The following RYR2 variants were observed in gnomAD, a reference collection of about 807,000 sequenced individuals.
RYR2 encodes the protein ryanodine receptor 2.
In RYR2, 227 loss-of-function variants were observed where a neutral mutation model predicts 601.1. That is an observed-to-expected ratio of 0.38 (90% CI 0.34 to 0.42). The LOEUF is 0.42. RYR2 is among the 10% of genes least tolerant of loss of function. The probability of loss-of-function intolerance (pLI) is 1.00; values close to 1 mark genes in which losing one functional copy is unlikely to be tolerated. For synonymous variants in RYR2, 2,223 were observed against 2,175.1 expected (o/e 1.02, Z -0.61); for missense variants, 4,646 against 6,156.5 (o/e 0.75, Z 8.21).
intron 1 of RYR2, among the ~76,000 whole-genome samples, chr1:237,111,125 CATT>C (rs1016461739): frequency 1.3e-4 from 20 of 152,196 alleles, no homozygotes; most frequent in African/African-American, 4.8e-4. Flanking sequence ...TGTTTGGTAA[CATT>C]GTTGACACTG....
At position 237,620,291 on chromosome 1, in the gene RYR2, A is replaced by G. The variant is rs1404225120; in HGVS notation, c.5916+2805A>G. Among the ~76,000 whole-genome samples, 4 of 152,186 alleles carry G rather than the reference A, an allele frequency of 2.6e-5. No individual in the cohort carries two copies. The East Asian group carries it at 7.7e-4, about 29-fold the overall frequency. ...AATACCAGTAGACTGTATGTTAGGT[A>G]TGTATATAAAATAATACTCAGAGCA... On this transcript the variant is annotated intron_variant, in intron 38 of 104. Coordinates refer to ENST00000366574, the MANE Select transcript of RYR2 (RefSeq NM_001035.3).
intron 2 of RYR2, among the ~76,000 whole-genome samples, chr1:237,283,656 T>G (rs1035795877): frequency 6.6e-6 from 1 of 152,238 alleles, no homozygotes; most frequent in African/African-American, 2.4e-5. Flanking sequence ...ACACAGCCAC[T>G]GTCTTCCTGT....
chr1:237,158,654 T>A (rs1374543575), intron 1 of RYR2, among the ~76,000 whole-genome samples: 1 of 152,230 alleles, frequency 6.6e-6, no homozygotes, highest in Non-Finnish European at 1.5e-5. Flanking sequence ...GTCTAAAATA[T>A]TCTATTTGAT....
intron 1 of RYR2, among the ~76,000 whole-genome samples, chr1:237,179,520 T>C: frequency 6.6e-6 from 1 of 151,812 alleles, no homozygotes; most frequent in East Asian, 1.9e-4. Context: ...CTGGTATTTA[T>C]TGATGTCTAT....
Position 237,380,422 on chromosome 1 carries a change from A to ATATATT in RYR2, c.576+2987_576+2988insTATATT, listed in dbSNP as rs1214802373. Among the ~76,000 whole-genome samples the ATATATT allele has an allele frequency of 1.1e-3, 53 of 48,056 alleles. 2 individuals carry two copies. The highest frequency in any genetic ancestry group is 4.0e-3 in the African/African-American group (50 of 12,446). The allele number at this position is 48,056 out of a possible 152,430, so 31.5% of individuals were successfully genotyped here. A position where few individuals can be genotyped will look rare whatever the true frequency, so the allele number is the denominator to read the frequency against. On this transcript the variant is annotated intron_variant, in intron 8 of 104. Coordinates refer to ENST00000366574, the MANE Select transcript of RYR2 (RefSeq NM_001035.3). ...TATATATATATATATATATATATAT[A>ATATATT]GTAAATACGAAGTCTGGTGAGTATG...
intron 1 of RYR2, among the ~76,000 whole-genome samples, chr1:237,143,130 G>A (rs906471972): frequency 5.9e-5 from 9 of 152,194 alleles, no homozygotes; most frequent in Non-Finnish European, 1.2e-4. Context: ...AAAAGTACCT[G>A]CATTTCCCTA....
intron 80 of RYR2, among the ~76,000 whole-genome samples, chr1:237,744,075 A>C (rs533456326): frequency 6.6e-6 from 1 of 152,302 alleles, no homozygotes; most frequent in East Asian, 1.9e-4. Flanking sequence ...AATCACTTCA[A>C]TTAGTAACTG....
intron 1 of RYR2, among the ~76,000 whole-genome samples, chr1:237,063,265 T>C (rs1287119975): frequency 6.6e-6 from 1 of 152,248 alleles, no homozygotes. Context: ...GAGAAGTAAA[T>C]TCCTGTTGTT....
intron 1 of RYR2, among the ~76,000 whole-genome samples, chr1:237,212,155 A>T (rs1682653279): frequency 6.6e-6 from 1 of 152,188 alleles, no homozygotes; most frequent in African/African-American, 2.4e-5. Flanking sequence ...CATACTAGAA[A>T]TAATACAGAA....
At chr1:237,178,224 A>G (rs757144820) in intron 1 of RYR2, among the ~76,000 whole-genome samples, 20 of 151,834 alleles carry the variant, frequency 1.3e-4, no homozygotes, top group Non-Finnish European at 2.6e-4. Flanking sequence ...TTGTTATTTT[A>G]TTTATTCTAG....
chr1:237,700,288 A>G lies in RYR2; in HGVS notation c.9188A>G (p.Asn3063Ser). 1 of 1,589,268 alleles carries G rather than the reference A, an allele frequency of 6.3e-7. No individual in the cohort carries two copies. Among genetic ancestry groups the G allele is most frequent in the Non-Finnish European group, 8.6e-7 (1 of 1,166,842 alleles). ...AGTGCACTCAGAGCTTTTCTGGACA[A>G]CGCTGCAGAGGATCTGGAGAAGACC... is the stretch of plus-strand genomic sequence containing the variant. Reference protein sequence around the residue: ...VKSALRAFLDNAAEDLEKTME... With the variant: ...VKSALRAFLDSAAEDLEKTME... Residue 3063 changes from asparagine to serine, a missense_variant, in exon 65 of 105, where the codon AAC becomes AGC. Coordinates refer to ENST00000366574, the MANE Select transcript of RYR2 (RefSeq NM_001035.3).
chr1:237,101,719 A>G (rs573948035), intron 1 of RYR2, among the ~76,000 whole-genome samples: 2 of 152,374 alleles, frequency 1.3e-5, no homozygotes, highest in South Asian at 4.1e-4. Flanking sequence ...AGCAAAAGCA[A>G]GCAACCTCAT....
chr1:237,819,087 G>A lies in RYR2; in HGVS notation c.14485G>A (p.Asp4829Asn). The A allele has an allele frequency of 6.2e-7, 1 of 1,613,892 alleles. No homozygotes were observed. The highest frequency in any genetic ancestry group is 8.5e-7 in the Non-Finnish European group (1 of 1,179,828). The part of the protein sequence containing the change: ...VGVRAGGGIG[D>N]EIEDPAGDEY... ...AGTTCGTGCTGGAGGAGGGATCGGGGATGAAATCGAAGACCCAGCAGGAGA... is the reference window on the plus strand; with the variant it reads ...AGTTCGTGCTGGAGGAGGGATCGGGAATGAAATCGAAGACCCAGCAGGAGA... Residue 4829 changes from aspartate to asparagine, a missense_variant, in exon 101 of 105, where the codon GAT becomes AAT. By Grantham distance (23) the Asp-to-Asn change is conservative. This residue lies in a region of RYR2 where 55 missense variants were observed against 204.7 expected (regional missense o/e 0.27). Coordinates refer to ENST00000366574, the MANE Select transcript of RYR2 (RefSeq NM_001035.3). This position sits in a 1 kb window ranked among gnomAD's most constrained non-coding sequence, Gnocchi z 4.0.
chr1:237,075,283 C>T (rs1276835828), intron 1 of RYR2, among the ~76,000 whole-genome samples: 2 of 151,856 alleles, frequency 1.3e-5, no homozygotes, highest in African/African-American at 2.4e-5. Flanking sequence ...CCAAGATGGC[C>T]GAATAGGAAC....
intron 47 of RYR2, 102 bp downstream of exon 47, chr1:237,641,104 T>G (rs1299190253): frequency 1.5e-6 from 1 of 687,408 alleles, no homozygotes; most frequent in Admixed American, 3.2e-5. Context: ...ATAATCTTCA[T>G]GCTCCATTAA....
At chr1:237,668,780 A>G (rs1684551943) in intron 58 of RYR2, among the ~76,000 whole-genome samples, 2 of 152,244 alleles carry the variant, frequency 1.3e-5, no homozygotes, top group South Asian at 4.1e-4. Flanking sequence ...AAGCTGTGAT[A>G]TGGAAGGATG....
In RYR2 at chr1:237,248,297, CCCA is replaced by C. The variant is rs1209162420; in HGVS notation, c.49-22199_49-22197del. ...CCGCAACCCCGCCCCCCCCCCCCCCCCCAAAAATGATGATGTATCATTTGAAAA... is the reference window on the plus strand; with the variant it reads ...CCGCAACCCCGCCCCCCCCCCCCCCCAAAATGATGATGTATCATTTGAAAA... On this transcript the variant is annotated intron_variant, in intron 1 of 104. Transcript: ENST00000366574. Among the ~76,000 whole-genome samples the C allele has an allele frequency of 4.4e-3, 485 of 110,266 alleles. 9 individuals are homozygous for C. Among genetic ancestry groups the C allele is most frequent in the African/African-American group, 0.017 (465 of 26,576 alleles). The allele number at this position is 110,266 out of a possible 152,430, so 72.3% of individuals were successfully genotyped here.
At chr1:237,072,158 G>T (rs947168651) in intron 1 of RYR2, among the ~76,000 whole-genome samples, 5 of 152,154 alleles carry the variant, frequency 3.3e-5, no homozygotes, top group Admixed American at 3.3e-4. Flanking sequence ...AGCAGGGCAC[G>T]GGGGTCCTGC....
chr1:237,482,032 C>T (rs571074606), intron 17 of RYR2, among the ~76,000 whole-genome samples: 1 of 152,128 alleles, frequency 6.6e-6, no homozygotes, highest in East Asian at 1.9e-4. Context: ...CTTAGTTGAA[C>T]TTTCACTACT....
Sources: allele counts gnomAD v4.1 joint callset (sites outside exome capture counted in the v4.1 genomes callset), GRCh38; gene constraint gnomAD v4.1.1; regional missense constraint gnomAD v4.1.1; non-coding constraint Gnocchi (gnomAD v3.1); transcripts MANE v1.5; gene names NCBI Gene and HGNC (gene_info 2026-07-23, HGNC 2026-07-21).